Variants in PPP3CA observed in about 807,000 individuals in gnomAD.
PPP3CA encodes the protein protein phosphatase 3 catalytic subunit alpha.
Under a neutral mutation model 66.5 loss-of-function variants are expected in PPP3CA, and 14 were observed. That is an observed-to-expected ratio of 0.21 (90% CI 0.14 to 0.33). PPP3CA has a LOEUF of 0.33. Among genes scored for constraint, PPP3CA ranks in the 10% least tolerant of loss-of-function variants. PPP3CA has a pLI of 1.00. For missense variants in PPP3CA, 317 were observed against 639.5 expected (o/e 0.50, Z 5.44); for synonymous variants, 232 against 226.2 (o/e 1.03, Z -0.23).
chr4:101,179,838 TCCA>T (rs1211647849), intron 2 of PPP3CA, among the ~76,000 whole-genome samples: 1 of 152,150 alleles, frequency 6.6e-6, no homozygotes, highest in Non-Finnish European at 1.5e-5. Flanking sequence ...ACTGACCCAC[TCCA>T]CCATCACTGT....
chr4:101,224,808 TC>T (rs1383989672), intron 1 of PPP3CA, among the ~76,000 whole-genome samples: 1 of 151,794 alleles, frequency 6.6e-6, no homozygotes, highest in Non-Finnish European at 1.5e-5. Flanking sequence ...AAAGACATCT[TC>T]AGTAACTCTT....
intron 2 of PPP3CA, among the ~76,000 whole-genome samples, chr4:101,135,041 G>T (rs1447417739): frequency 6.6e-6 from 1 of 152,060 alleles, no homozygotes; most frequent in African/African-American, 2.4e-5. Context: ...GGCACAAGGA[G>T]GGGAACATCA....
intron 1 of PPP3CA, among the ~76,000 whole-genome samples, chr4:101,248,444 C>T (rs1440852823): frequency 6.6e-6 from 1 of 152,134 alleles, no homozygotes; most frequent in Non-Finnish European, 1.5e-5. Flanking sequence ...TCAGCTACAT[C>T]ACAAAATAAA....
intron 1 of PPP3CA, among the ~76,000 whole-genome samples, chr4:101,207,566 T>G (rs1200439461): frequency 2.6e-5 from 4 of 152,194 alleles, no homozygotes; most frequent in Non-Finnish European, 5.9e-5. Flanking sequence ...CAGTGTCGAA[T>G]ACCTGTAATC....
At chr4:101,337,403 T>C (rs1180148802) in intron 1 of PPP3CA, among the ~76,000 whole-genome samples, 4 of 152,220 alleles carry the variant, frequency 2.6e-5, no homozygotes, top group Admixed American at 2.6e-4. Flanking sequence ...AGTCCTTTAA[T>C]CATCTTGGGG....
intron 11 of PPP3CA, among the ~76,000 whole-genome samples, chr4:101,040,039 T>C (rs1237750984): frequency 6.6e-6 from 1 of 152,182 alleles, no homozygotes; most frequent in Admixed American, 6.5e-5. Context: ...TCTCAATAAT[T>C]AGAATAACAT....
In PPP3CA at chr4:101,046,274, A is replaced by G. The variant is rs1401583887; in HGVS notation, c.1157-5708T>C. On this transcript the variant is annotated intron_variant, in intron 10 of 13. Transcript: ENST00000394854. ...TAAAAACGACCAGTTTGAAAAAATT[A>G]TACTTAAATATCTTCTGAAAAGAAA... 2.6e-5 allele frequency among the ~76,000 whole-genome samples: 4 copies of G among 152,176 alleles called. No individual in the cohort carries two copies. The East Asian group carries it at 7.7e-4, about 29-fold the overall frequency.
chr4:101,321,730 T>C (rs962756141), intron 1 of PPP3CA, among the ~76,000 whole-genome samples: 5 of 152,274 alleles, frequency 3.3e-5, no homozygotes, highest in Middle Eastern at 3.4e-3. Flanking sequence ...AAGAGCTTGG[T>C]ACTACGGCTG....
chr4:101,288,002 C>G (rs573200560), intron 1 of PPP3CA, among the ~76,000 whole-genome samples: 1 of 152,240 alleles, frequency 6.6e-6, no homozygotes, highest in South Asian at 2.1e-4. Context: ...AGACAGTCAC[C>G]TTCAAGAAAG....
chr4:101,346,629 C>T, intron 1 of PPP3CA, 110 bp downstream of exon 1: 1 of 924,132 alleles, frequency 1.1e-6, no homozygotes. Context: ...GCGGCTGGAG[C>T]GGACAGAGGA....
At chr4:101,230,033 T>C (rs947310566) in intron 1 of PPP3CA, among the ~76,000 whole-genome samples, 2 of 151,774 alleles carry the variant, frequency 1.3e-5, no homozygotes, top group Admixed American at 1.3e-4. Context: ...ATACAGTTCC[T>C]TCTTTATTAA....
chr4:101,234,897 AT>A (rs1726077471), intron 1 of PPP3CA, among the ~76,000 whole-genome samples: 1 of 151,812 alleles, frequency 6.6e-6, no homozygotes, highest in Non-Finnish European at 1.5e-5. Flanking sequence ...GAGTCTGAAT[AT>A]TATTCTAAAA....
At chr4:101,102,606 C>T (rs992430692) in intron 3 of PPP3CA, among the ~76,000 whole-genome samples, 7 of 152,100 alleles carry the variant, frequency 4.6e-5, no homozygotes, top group Admixed American at 4.6e-4. Context: ...AAGTACAACA[C>T]TGTCTTGCCG....
intron 1 of PPP3CA, among the ~76,000 whole-genome samples, chr4:101,199,293 C>T (rs1179897176): frequency 1.3e-5 from 2 of 152,162 alleles, no homozygotes; most frequent in Non-Finnish European, 2.9e-5. Context: ...GTGAAAGTTG[C>T]TACGCTTAAT....
In PPP3CA at chr4:101,023,668, G is replaced by GA. The variant is rs1410878644; in HGVS notation, c.*2196dup. 1.4e-4 allele frequency: 21 copies of GA among 152,646 alleles called. No homozygotes were observed. Among genetic ancestry groups the GA allele is most frequent in the African/African-American group, 5.1e-4 (21 of 41,542 alleles). 9.5% of individuals were successfully genotyped at this position (152,646 alleles called of 1,614,324 possible). Reference sequence around the variant, plus strand: ...TTTTAGGATGGAGAAATATCCACAGGAAAAAATGTCTGAATTCATTAAAAT... The same window carrying GA: ...TTTTAGGATGGAGAAATATCCACAGGAAAAAAATGTCTGAATTCATTAAAAT... On this transcript the variant is annotated 3_prime_UTR_variant, in exon 14 of 14. Coordinates refer to ENST00000394854, the MANE Select transcript of PPP3CA (RefSeq NM_000944.5).
At chr4:101,162,006 G>A (rs1393598836) in intron 2 of PPP3CA, among the ~76,000 whole-genome samples, 3 of 152,190 alleles carry the variant, frequency 2.0e-5, no homozygotes, top group Admixed American at 6.6e-5. Context: ...CTGTGAGGCC[G>A]AGGCTGGCGG....
intron 10 of PPP3CA, among the ~76,000 whole-genome samples, chr4:101,044,926 G>A (rs1441620636): frequency 6.6e-6 from 1 of 152,200 alleles, no homozygotes; most frequent in Non-Finnish European, 1.5e-5. Context: ...GAAAGGAACT[G>A]GAAAAAGGCA....
chr4:101,216,529 A>G (rs1034298907), intron 1 of PPP3CA, among the ~76,000 whole-genome samples: 1 of 151,846 alleles, frequency 6.6e-6, no homozygotes, highest in Non-Finnish European at 1.5e-5. Context: ...AGATTATAAA[A>G]CTTTCCTTTA....
intron 2 of PPP3CA, among the ~76,000 whole-genome samples, chr4:101,149,242 A>C (rs1233475095): frequency 6.6e-6 from 1 of 152,132 alleles, no homozygotes; most frequent in Non-Finnish European, 1.5e-5. Flanking sequence ...ATTAGTAACT[A>C]AAAGAAGCTA....
Sources: allele counts gnomAD v4.1 joint callset (sites outside exome capture counted in the v4.1 genomes callset), GRCh38; gene constraint gnomAD v4.1.1; transcripts MANE v1.5; gene names NCBI Gene and HGNC (gene_info 2026-07-23, HGNC 2026-07-21).